The following TECRL variants were observed in gnomAD, a reference collection of about 807,000 sequenced individuals.
TECRL encodes the protein trans-2,3-enoyl-CoA reductase like.
A neutral mutation model predicts 52.8 loss-of-function variants in TECRL; 63 were observed. That is an observed-to-expected ratio of 1.19 (90% confidence interval 0.97 to 1.47). The LOEUF (loss-of-function observed/expected upper bound fraction) is 1.47, where lower values mean the gene tolerates loss of function less well. Ranked by LOEUF, TECRL falls within the 40% of genes most tolerant of loss-of-function variation. The pLI is 0.00. For missense variants in TECRL, 482 were observed against 429.6 expected, an observed-to-expected ratio of 1.12 and a Z score of -1.08; for synonymous variants, 164 against 141.9, an observed-to-expected ratio of 1.16 and a Z score of -1.10.
At chr4:64,306,659 T>C (rs922232189) in intron 6 of TECRL, among the ~76,000 whole-genome samples, 1 of 152,106 alleles carries the variant, frequency 6.6e-6, no homozygotes, top group Non-Finnish European at 1.5e-5. Flanking sequence ...ATTTAGAGAG[T>C]TTCCTTTCTC....
At chr4:64,347,544 G>A (rs912685220) in intron 2 of TECRL, among the ~76,000 whole-genome samples, 28 of 152,132 alleles carry the variant, frequency 1.8e-4, no homozygotes, top group African/African-American at 6.5e-4. Context: ...CTGCATGGCT[G>A]GGGAGGCCTC....
At chr4:64,330,346 A>G (rs971543071) in intron 2 of TECRL, among the ~76,000 whole-genome samples, 4 of 152,098 alleles carry the variant, frequency 2.6e-5, no homozygotes, top group African/African-American at 9.7e-5. Flanking sequence ...GCGACCTCTT[A>G]AGGATACTTA....
At chr4:64,338,205 G>A (rs1235509988) in intron 2 of TECRL, among the ~76,000 whole-genome samples, 1 of 152,128 alleles carries the variant, frequency 6.6e-6, no homozygotes, top group Non-Finnish European at 1.5e-5. Context: ...TTAACAAATG[G>A]TGCTGGGAAA....
intron 2 of TECRL, among the ~76,000 whole-genome samples, chr4:64,360,632 A>G (rs904998493): frequency 6.6e-6 from 1 of 152,086 alleles, no homozygotes; most frequent in Non-Finnish European, 1.5e-5. Context: ...GAAAGAAGGA[A>G]GTCATTGAGT....
chr4:64,385,180 G>A (rs1447792011), intron 1 of TECRL, among the ~76,000 whole-genome samples: 1 of 152,142 alleles, frequency 6.6e-6, no homozygotes, highest in Non-Finnish European at 1.5e-5. Flanking sequence ...TCAGGCCCCT[G>A]ATAGTTCCCA....
intron 7 of TECRL, among the ~76,000 whole-genome samples, chr4:64,303,225 T>C (rs1337901347): frequency 1.6e-5 from 2 of 124,260 alleles, no homozygotes; most frequent in Non-Finnish European, 3.7e-5. Flanking sequence ...ATATAGAAAA[T>C]AGTGAAATTT....
intron 6 of TECRL, among the ~76,000 whole-genome samples, chr4:64,306,047 A>T (rs972177418): frequency 1.3e-5 from 2 of 152,156 alleles, no homozygotes; most frequent in Non-Finnish European, 2.9e-5. Flanking sequence ...AGACTGCAAC[A>T]TTTTGGGGGA....
intron 4 of TECRL, among the ~76,000 whole-genome samples, chr4:64,319,661 C>T (rs1032009757): frequency 6.6e-6 from 1 of 151,762 alleles, no homozygotes; most frequent in African/African-American, 2.4e-5. Context: ...TTCATTGCAG[C>T]TTTATTTGTT....
intron 2 of TECRL, among the ~76,000 whole-genome samples, chr4:64,373,585 G>A (rs1267607475): frequency 1.3e-5 from 2 of 151,626 alleles, no homozygotes; most frequent in Admixed American, 6.6e-5. Flanking sequence ...TTGTCAGGGT[G>A]ACTGCACATT....
intron 2 of TECRL, among the ~76,000 whole-genome samples, chr4:64,372,644 C>T (rs1238864128): frequency 6.6e-6 from 1 of 151,374 alleles, no homozygotes; most frequent in African/African-American, 2.4e-5. Flanking sequence ...TCTGAGAAAA[C>T]GTAGGAAGAC....
In TECRL at chr4:64,279,872, TTAATTGCATTTA is replaced by T; in HGVS notation, c.*188_*199del. 1 of 1,124,742 alleles carries T rather than the reference TTAATTGCATTTA, an allele frequency of 8.9e-7. No homozygotes were observed. Among genetic ancestry groups the T allele is most frequent in the Non-Finnish European group, 1.1e-6 (1 of 919,420 alleles). 69.7% of individuals were successfully genotyped at this position (1,124,742 alleles called of 1,614,324 possible). On this transcript the variant is annotated 3_prime_UTR_variant, in exon 12 of 12. Coordinates refer to ENST00000381210, the MANE Select transcript of TECRL (RefSeq NM_001010874.5). ...CAAATACATTCAGAGCTGTTCTTAG[TTAATTGCATTTA>T]TAATTTATACTTTTTATTACCATGT... is the stretch of plus-strand genomic sequence containing the variant.
At chr4:64,318,715 A>G (rs867288539) in intron 4 of TECRL, among the ~76,000 whole-genome samples, 11 of 152,056 alleles carry the variant, frequency 7.2e-5, no homozygotes, top group South Asian at 2.1e-4. Context: ...ACTTATTTTT[A>G]TGTAAAAATA....
chr4:64,397,608 G>A (rs1403346109), intron 1 of TECRL: 4 of 151,720 alleles, frequency 2.6e-5, no homozygotes, highest in African/African-American at 4.8e-5. Flanking sequence ...CCCTGATTAG[G>A]TACTGAATCT....
intron 8 of TECRL, among the ~76,000 whole-genome samples, chr4:64,296,934 A>C (rs1723719056): frequency 6.6e-6 from 1 of 151,534 alleles, no homozygotes; most frequent in African/African-American, 2.4e-5. Context: ...TTTCCTGTAG[A>C]TTTGTGATAC....
intron 8 of TECRL, among the ~76,000 whole-genome samples, chr4:64,295,894 T>G (rs1723652717): frequency 6.6e-6 from 1 of 151,942 alleles, no homozygotes; most frequent in South Asian, 2.1e-4. Flanking sequence ...CAAAATAAAT[T>G]TTTAATAAGT....
chr4:64,387,971 C>G (rs1723292654), intron 1 of TECRL, among the ~76,000 whole-genome samples: 1 of 151,332 alleles, frequency 6.6e-6, no homozygotes, highest in African/African-American at 2.4e-5. Context: ...TGTTTCTTGT[C>G]TTTTTATTTT....
chr4:64,357,358 G>A (rs1035542159), intron 2 of TECRL, among the ~76,000 whole-genome samples: 21 of 151,426 alleles, frequency 1.4e-4, no homozygotes, highest in African/African-American at 5.1e-4. Context: ...AGAATGTTTG[G>A]TATTCAAGTT....
At chr4:64,402,206 T>G (rs2109783413) in intron 1 of TECRL, among the ~76,000 whole-genome samples, 1 of 152,224 alleles carries the variant, frequency 6.6e-6, no homozygotes, top group Admixed American at 6.5e-5. Flanking sequence ...ATCATGGCAG[T>G]GTTAAAAATA....
intron 8 of TECRL, among the ~76,000 whole-genome samples, chr4:64,297,964 A>G (rs1312071356): frequency 6.6e-6 from 1 of 151,216 alleles, no homozygotes; most frequent in Non-Finnish European, 1.5e-5. Flanking sequence ...TGTGTAAAAG[A>G]GTCACAGTGG....
Sources: allele counts gnomAD v4.1 joint callset (sites outside exome capture counted in the v4.1 genomes callset), GRCh38; gene constraint gnomAD v4.1.1; transcripts MANE v1.5; gene names NCBI Gene and HGNC (gene_info 2026-07-23, HGNC 2026-07-21).